TMC1: variants seen among roughly 807,000 people sequenced by gnomAD.
TMC1 encodes the protein transmembrane channel like 1.
Under a neutral mutation model 105.8 loss-of-function variants are expected in TMC1, and 84 were observed. That is an observed-to-expected ratio of 0.79 (90% CI 0.67 to 0.95). The LOEUF (loss-of-function observed/expected upper bound fraction) is 0.95, where lower values mean the gene tolerates loss of function less well. Ranked by LOEUF, TMC1 falls within the 40% of genes least tolerant of loss-of-function variation. TMC1 has a pLI of 0.00. For synonymous variants in TMC1, 315 were observed against 311.5 expected (o/e 1.01, Z -0.12); for missense variants, 817 against 914.1 (o/e 0.89, Z 1.37).
intron 2 of TMC1, among the ~76,000 whole-genome samples, chr9:72,595,358 T>A (rs73651605): frequency 0.023 from 3,529 of 152,312 alleles, 148 homozygotes; most frequent in African/African-American, 0.08. Context: ...CTCTCTTATT[T>A]CACTAAGATA....
At chr9:72,574,873 C>A (rs1349284282) in intron 1 of TMC1, among the ~76,000 whole-genome samples, 1 of 152,168 alleles carries the variant, frequency 6.6e-6, no homozygotes, top group Admixed American at 6.5e-5. Flanking sequence ...CTCATTGTAA[C>A]TGTTCACTCA....
intron 2 of TMC1, among the ~76,000 whole-genome samples, chr9:72,614,871 G>T (rs1825099796): frequency 1.3e-5 from 2 of 152,018 alleles, no homozygotes; most frequent in Non-Finnish European, 2.9e-5. Flanking sequence ...GTAGAGACAG[G>T]GTTTCATCAT....
intron 12 of TMC1, among the ~76,000 whole-genome samples, chr9:72,770,385 TTATA>T (rs35701289): frequency 0.1 from 14,064 of 141,276 alleles, 803 homozygotes; most frequent in Non-Finnish European, 0.14. Flanking sequence ...ATATAAATCT[TTATA>T]TATATATATA....
chr9:72,835,915 G>GTTTCTTTTT, intron 23 of TMC1, 36 bp from the exon 24 acceptor site: 2 of 1,314,682 alleles, frequency 1.5e-6, no homozygotes, highest in African/African-American at 1.8e-5. Flanking sequence ...CTCTCTCCTT[G>GTTTCTTTTT]TTTTTTTTTT....
At chr9:72,575,645 G>A (rs1434822631) in intron 1 of TMC1, among the ~76,000 whole-genome samples, 2 of 152,110 alleles carry the variant, frequency 1.3e-5, no homozygotes, top group Non-Finnish European at 2.9e-5. Flanking sequence ...GCCTTTCATT[G>A]GTCCATTCTT....
At chr9:72,707,929 T>G (rs1826771925) in intron 8 of TMC1, among the ~76,000 whole-genome samples, 1 of 152,178 alleles carries the variant, frequency 6.6e-6, no homozygotes, top group Non-Finnish European at 1.5e-5. Context: ...TTTGAGTTGA[T>G]TTTTGTATAA....
chr9:72,711,752 T>C (rs968437586), intron 8 of TMC1, among the ~76,000 whole-genome samples: 4 of 152,258 alleles, frequency 2.6e-5, no homozygotes, highest in African/African-American at 7.2e-5. Flanking sequence ...TCTTTTCCTG[T>C]GCAGAAGCTC....
At chr9:72,642,651 T>C (rs1825647602) in intron 4 of TMC1, among the ~76,000 whole-genome samples, 1 of 152,210 alleles carries the variant, frequency 6.6e-6, no homozygotes, top group Non-Finnish European at 1.5e-5. Flanking sequence ...ATATTGTCAA[T>C]TCAATTTTTA....
chr9:72,646,725 G>A (rs1293619643), intron 4 of TMC1, among the ~76,000 whole-genome samples: 1 of 151,690 alleles, frequency 6.6e-6, no homozygotes, highest in African/African-American at 2.4e-5. Context: ...CCTCCAATGG[G>A]CCATTTTATA....
rs182616734 is a variant in TMC1, at chr9:72,591,032, A to G, written c.-306+13009A>G. 1.7e-3 allele frequency among the ~76,000 whole-genome samples: 253 copies of G among 152,306 alleles called. 1 individual carries two copies. Among genetic ancestry groups the G allele is most frequent in the African/African-American group, 5.9e-3 (245 of 41,564 alleles). On this transcript the variant is annotated intron_variant, in intron 2 of 23. Coordinates refer to ENST00000297784, the MANE Select transcript of TMC1 (RefSeq NM_138691.3). ...AGAGTGGTTTAGGCCAAGAGAGCAA[A>G]CAGTGGTGCAAGACTCTAAGGCAGG...
At chr9:72,567,991 T>A (rs1275003243) in intron 1 of TMC1, among the ~76,000 whole-genome samples, 2 of 152,030 alleles carry the variant, frequency 1.3e-5, no homozygotes, top group Non-Finnish European at 2.9e-5. Context: ...TTGTGGCCTG[T>A]GAGTACTGAA....
intron 8 of TMC1, among the ~76,000 whole-genome samples, chr9:72,724,595 A>G (rs1827084788): frequency 6.6e-6 from 1 of 152,210 alleles, no homozygotes; most frequent in Non-Finnish European, 1.5e-5. Context: ...ATAATAATAA[A>G]TATCAGATAT....
intron 22 of TMC1, 22 bp from the exon 23 acceptor site, chr9:72,830,609 C>A: frequency 6.2e-7 from 1 of 1,612,574 alleles, no homozygotes; most frequent in Middle Eastern, 1.7e-4. Flanking sequence ...CTACTTTTTT[C>A]CCCTTATTTT....
At chr9:72,585,664 C>T (rs1314716268) in intron 2 of TMC1, among the ~76,000 whole-genome samples, 3 of 152,110 alleles carry the variant, frequency 2.0e-5, no homozygotes, top group East Asian at 1.9e-4. Flanking sequence ...AAAGGTGAAG[C>T]GAGTATAATG....
At chr9:72,585,037 G>A (rs372855993) in intron 2 of TMC1, among the ~76,000 whole-genome samples, 1 of 151,524 alleles carries the variant, frequency 6.6e-6, no homozygotes, top group African/African-American at 2.4e-5. Flanking sequence ...TGCACACCTC[G>A]ACCTCCCAAA....
chr9:72,628,653 A>C (rs1301102353), intron 4 of TMC1, among the ~76,000 whole-genome samples: 1 of 152,246 alleles, frequency 6.6e-6, no homozygotes. Flanking sequence ...TTCTTCTGCC[A>C]TCAGGGATTG....
chr9:72,826,904 C>A lies in TMC1; in HGVS notation c.2039C>A (p.Thr680Asn). The change falls in exon 21 of 24, where the codon ACC (threonine) becomes AAC (asparagine). Residue 680 changes from threonine to asparagine, a missense_variant. Physicochemically the swap from Thr to Asn is moderately conservative, Grantham distance 65. Transcript: ENST00000297784. ...AGAATGTTTGAAGTCATTGGAGAGA[C>A]CCTGGAGCACGATTTCCCAAGCTGG... ...KNRMFEVIGETLEHDFPSWMA... is the reference protein window; with the variant it reads ...KNRMFEVIGENLEHDFPSWMA... 1 of 1,614,036 alleles carries A rather than the reference C, an allele frequency of 6.2e-7. No homozygotes were observed. Among genetic ancestry groups the A allele is most frequent in the South Asian group, 1.1e-5 (1 of 91,076 alleles).
chr9:72,670,503 T>C (rs1826111819), intron 5 of TMC1, among the ~76,000 whole-genome samples: 1 of 152,188 alleles, frequency 6.6e-6, no homozygotes, highest in Non-Finnish European at 1.5e-5. Context: ...TAATGTCTAA[T>C]ATGCAACCAA....
Position 72,740,507 on chromosome 9 carries a change from C to T in TMC1, c.453+298C>T, listed in dbSNP as rs75908233. Among the ~76,000 whole-genome samples the T allele has an allele frequency of 4.9e-3, 741 of 152,206 alleles. 15 individuals are homozygous for T. The East Asian group carries it at 0.059, about 12-fold the overall frequency. The stretch of plus-strand genomic sequence containing the variant: ...TTGCATCCTTTTTCATTTTCATTCT[C>T]TGGAAGTGAAGGGGTTCTGGTCAAG... On this transcript the variant is annotated intron_variant, in intron 9 of 23. Transcript: ENST00000297784.
Sources: allele counts gnomAD v4.1 joint callset (sites outside exome capture counted in the v4.1 genomes callset), GRCh38; gene constraint gnomAD v4.1.1; transcripts MANE v1.5; gene names NCBI Gene and HGNC (gene_info 2026-07-23, HGNC 2026-07-21).